Variants in RBFOX3 observed in about 807,000 individuals in gnomAD.
RBFOX3 encodes RNA binding fox-1 homolog 3.
Under a neutral mutation model 48.7 loss-of-function variants are expected in RBFOX3, and 17 were observed. That is an observed-to-expected ratio of 0.35 (90% CI 0.24 to 0.52). RBFOX3 has a LOEUF of 0.52. Among genes scored for constraint, RBFOX3 ranks in the 20% least tolerant of loss-of-function variants. The pLI is 0.94. For synonymous variants in RBFOX3, 212 were observed against 209.5 expected, an observed-to-expected ratio of 1.01 and a Z score of -0.10; for missense variants, 382 against 497.5, an observed-to-expected ratio of 0.77 and a Z score of 2.21.
At chr17:79,168,091 G>A (rs1405454134) in intron 4 of RBFOX3, among the ~76,000 whole-genome samples, 1 of 152,198 alleles carries the variant, frequency 6.6e-6, no homozygotes, top group East Asian at 1.9e-4. Context: ...GAAACAGTGG[G>A]GCCGGCTCAG....
rs922429261 is a variant in RBFOX3, at chr17:79,363,600, A to G, written c.-174-55776T>C. On this transcript the variant is annotated intron_variant, in intron 2 of 14. Transcript: ENST00000693108. The surrounding 1 kb of genome is among the most constrained non-coding windows in gnomAD (Gnocchi z 4.7). ...TCCCTGGGGGGTCTCCGCGAGCAAC[A>G]TACCTCTTACCCAGGGGCCCAATCG... Among the ~76,000 whole-genome samples the G allele has an allele frequency of 4.6e-5, 7 of 151,872 alleles. No individual in the cohort carries two copies. The highest frequency in any genetic ancestry group is 8.8e-5 in the Non-Finnish European group (6 of 67,948).
At chr17:79,289,659 G>T (rs146092857) in intron 3 of RBFOX3, among the ~76,000 whole-genome samples, 34 of 152,310 alleles carry the variant, frequency 2.2e-4, no homozygotes, top group African/African-American at 7.7e-4. Flanking sequence ...TCCCCCTTTG[G>T]CATCATCTTT....
intron 1 of RBFOX3, among the ~76,000 whole-genome samples, chr17:79,523,562 G>A (rs2086403694): frequency 6.6e-6 from 1 of 152,180 alleles, no homozygotes; most frequent in African/African-American, 2.4e-5. Flanking sequence ...TCTATTTTGA[G>A]TTCTGTTGTC....
Sources: gnomAD v4.1 joint callset for allele counts (sites outside exome capture counted in the v4.1 genomes callset) on GRCh38, gnomAD v4.1.1 for gene constraint, Gnocchi (gnomAD v3.1) non-coding constraint, MANE v1.5 for transcripts, NCBI Gene and HGNC (gene_info 2026-07-23, HGNC 2026-07-21) for gene names.